Variants in RFX4 observed in about 807,000 individuals in gnomAD.
RFX4 encodes transcription factor RFX4.
In RFX4, 10 loss-of-function variants were observed where a neutral mutation model predicts 95.0. The ratio of observed to expected loss-of-function variants is 0.11; its 90% CI spans 0.06 to 0.18. The LOEUF is 0.18. RFX4 is among the 10% of genes least tolerant of loss of function. The pLI, the probability that RFX4 is intolerant of heterozygous loss-of-function variation, is 1.00. For synonymous variants in RFX4, 321 were observed against 340.7 expected (o/e 0.94, Z 0.64); for missense variants, 640 against 922.0 (o/e 0.69, Z 3.96).
chr12:106,608,786 T>C lies in RFX4; in HGVS notation c.44-11T>C, dbSNP rs1315802456. The C allele has an allele frequency of 1.3e-6, 2 of 1,565,788 alleles. No homozygotes were observed. Among genetic ancestry groups the C allele is most frequent in the East Asian group, 2.3e-5 (1 of 44,032 alleles). ...TTCTTTTCTTTCTTTCTTTCTTTTTTTTTTTTTTAGAGAGCTGGATTGAAA... is the reference window on the plus strand; with the variant it reads ...TTCTTTTCTTTCTTTCTTTCTTTTTCTTTTTTTTAGAGAGCTGGATTGAAA... On this transcript the variant is annotated splice_polypyrimidine_tract_variant and intron_variant, in intron 1 of 17. Coordinates refer to ENST00000392842, the MANE Select transcript of RFX4 (RefSeq NM_213594.3).
chr12:106,760,129 T>A (rs2043183674), intron 17 of RFX4, among the ~76,000 whole-genome samples: 1 of 152,124 alleles, frequency 6.6e-6, no homozygotes, highest in Non-Finnish European at 1.5e-5. Context: ...GGAAGACAGA[T>A]GGGGAGCAGA....
chr12:106,627,048 C>A (rs1368444067), intron 2 of RFX4, among the ~76,000 whole-genome samples: 4 of 152,174 alleles, frequency 2.6e-5, no homozygotes, highest in African/African-American at 9.7e-5. Context: ...CAGCTCCTAG[C>A]CACTGCCATT....
At chr12:106,629,860 G>A (rs2040381912) in intron 2 of RFX4, among the ~76,000 whole-genome samples, 1 of 152,120 alleles carries the variant, frequency 6.6e-6, no homozygotes, top group Non-Finnish European at 1.5e-5. Context: ...GGGATTATAG[G>A]TGTGAGCCAC....
chr12:106,644,527 C>T (rs1405682441), intron 3 of RFX4, among the ~76,000 whole-genome samples: 1 of 152,166 alleles, frequency 6.6e-6, no homozygotes, highest in African/African-American at 2.4e-5. Flanking sequence ...GCCACCCCAC[C>T]CGGCGCCACT....
intron 2 of RFX4, among the ~76,000 whole-genome samples, chr12:106,635,081 G>A (rs2040484151): frequency 6.6e-6 from 1 of 152,190 alleles, no homozygotes; most frequent in Admixed American, 6.5e-5. Context: ...GAAAAATGAA[G>A]CTCAAGTAAG....
At chr12:106,599,495 ATG>A (rs2039668711) in intron 1 of RFX4, among the ~76,000 whole-genome samples, 1 of 151,934 alleles carries the variant, frequency 6.6e-6, no homozygotes, top group Non-Finnish European at 1.5e-5. Flanking sequence ...GATGATGATG[ATG>A]ATGATGATGA....
rs572359395 is a variant in RFX4, at chr12:106,698,698, CTTT to C, written c.833+2261_833+2263del. On this transcript the variant is annotated intron_variant, in intron 8 of 17. Transcript: ENST00000392842. ...TGCATTGAAAAGTGTTCCCTCTCTTCTTTTTTTTTTTAATTCATAATATTTTCT... is the reference window on the plus strand; with the variant it reads ...TGCATTGAAAAGTGTTCCCTCTCTTCTTTTTTTTAATTCATAATATTTTCT... Among the ~76,000 whole-genome samples, 901 of 145,354 alleles carry C rather than the reference CTTT, an allele frequency of 6.2e-3. 8 individuals carry two copies. Among genetic ancestry groups the C allele is most frequent in the African/African-American group, 0.021 (846 of 39,844 alleles).
chr12:106,645,999 T>C, intron 3 of RFX4: 1 of 1,219,152 alleles, frequency 8.2e-7, no homozygotes, highest in Non-Finnish European at 1.1e-6. Context: ...AGATGCTGTG[T>C]TGTGGAACCA....
intron 2 of RFX4, among the ~76,000 whole-genome samples, chr12:106,618,526 T>G (rs2040119224): frequency 6.6e-6 from 1 of 152,060 alleles, no homozygotes; most frequent in Non-Finnish European, 1.5e-5. Context: ...TAGTAAGAAT[T>G]TTTGCTTTAA....
At chr12:106,648,119 T>A (rs1376737874) in intron 3 of RFX4, among the ~76,000 whole-genome samples, 1 of 152,166 alleles carries the variant, frequency 6.6e-6, no homozygotes, top group Non-Finnish European at 1.5e-5. Flanking sequence ...TGTTATTGAA[T>A]GAATAAATGA....
chr12:106,610,049 A>C (rs1217839922), intron 2 of RFX4, among the ~76,000 whole-genome samples: 1 of 152,154 alleles, frequency 6.6e-6, no homozygotes, highest in Admixed American at 6.5e-5. Context: ...GTATGAGTAT[A>C]TCACAGTTTA....
chr12:106,690,838 G>C (rs1242638653), intron 7 of RFX4, among the ~76,000 whole-genome samples: 2 of 152,168 alleles, frequency 1.3e-5, no homozygotes, highest in Non-Finnish European at 2.9e-5. Context: ...AAATCTCTAA[G>C]GGACAGCTGT....
At chr12:106,673,846 C>T (rs917994151) in intron 4 of RFX4, among the ~76,000 whole-genome samples, 2 of 152,206 alleles carry the variant, frequency 1.3e-5, no homozygotes, top group South Asian at 2.1e-4. Flanking sequence ...ATGCACTGAG[C>T]CACCTTCTCT....
rs1433457920 is a variant in RFX4, at chr12:106,687,088, T to G, written c.582T>G (p.Pro194=). The change falls in exon 6 of 18, where the codon CCT becomes CCG. Residue 194 remains proline (P), a synonymous_variant. Transcript: ENST00000392842. The stretch of plus-strand genomic sequence containing the variant: ...ATCTAAATCTGCCAGCCAGCCTGCC[T>G]GAGGAGAAGGTAACTACAACTGAAG... ...VKDLNLPASL[P]EEKVSTFIMM... is the part of the protein sequence containing the mutation. The G allele has an allele frequency of 3.7e-6, 6 of 1,613,634 alleles. No individual in the cohort carries two copies. The South Asian group carries it at 6.6e-5, about 18-fold the overall frequency.
chr12:106,588,465 C>T (rs2039494357), intron 1 of RFX4, among the ~76,000 whole-genome samples: 1 of 152,154 alleles, frequency 6.6e-6, no homozygotes. Context: ...ATGCGGCCAT[C>T]AAAGGAAAAT....
intron 2 of RFX4, among the ~76,000 whole-genome samples, chr12:106,613,766 C>T (rs1012259851): frequency 3.3e-5 from 5 of 152,250 alleles, no homozygotes; most frequent in East Asian, 1.9e-4. Context: ...AGAATAAATT[C>T]GAATATGTTC....
chr12:106,669,014 C>T (rs963399753), intron 4 of RFX4, among the ~76,000 whole-genome samples: 2 of 152,204 alleles, frequency 1.3e-5, no homozygotes, highest in African/African-American at 2.4e-5. Flanking sequence ...ATTCCTCAAT[C>T]CCACTTATTT....
chr12:106,756,690 A>G (rs773938883), intron 17 of RFX4, among the ~76,000 whole-genome samples: 5 of 152,232 alleles, frequency 3.3e-5, no homozygotes, highest in Non-Finnish European at 4.4e-5. Flanking sequence ...CTGAAAAATG[A>G]GGATAATTAT....
chr12:106,749,867 C>G (rs566658465), intron 16 of RFX4, among the ~76,000 whole-genome samples: 1 of 152,174 alleles, frequency 6.6e-6, no homozygotes, highest in Non-Finnish European at 1.5e-5. Context: ...GCTCTCCCCC[C>G]AGGAGACAGC....
Sources: allele counts gnomAD v4.1 joint callset (sites outside exome capture counted in the v4.1 genomes callset), GRCh38; gene constraint gnomAD v4.1.1; transcripts MANE v1.5; gene names NCBI Gene and HGNC (gene_info 2026-07-23, HGNC 2026-07-21).